The following FHL5 variants were observed in gnomAD, a reference collection of about 807,000 sequenced individuals.
FHL5 encodes four and a half LIM domains protein 5.
A neutral mutation model predicts 32.0 loss-of-function variants in FHL5; 33 were observed. The observed-to-expected ratio is 1.03, with a 90% CI of 0.78 to 1.38. The LOEUF (loss-of-function observed/expected upper bound fraction) is 1.38, where lower values mean the gene tolerates loss of function less well. FHL5 is among the 40% of genes most tolerant of loss of function. The probability of loss-of-function intolerance (pLI) is 0.00; values close to 1 mark genes in which losing one functional copy is unlikely to be tolerated. For synonymous variants in FHL5, 114 were observed against 113.6 expected (o/e 1.00, Z -0.02); for missense variants, 336 against 343.9 (o/e 0.98, Z 0.18).
intron 1 of FHL5, among the ~76,000 whole-genome samples, chr6:96,601,558 C>A (rs1232245858): frequency 6.6e-6 from 1 of 152,060 alleles, no homozygotes; most frequent in Non-Finnish European, 1.5e-5. Context: ...ATTTGGTAAT[C>A]CCTTTTGTGG....
chr6:96,587,814 T>C (rs1360906564), intron 1 of FHL5, among the ~76,000 whole-genome samples: 1 of 152,264 alleles, frequency 6.6e-6, no homozygotes, highest in African/African-American at 2.4e-5. Flanking sequence ...CTAAACTTTA[T>C]ATAAATGTCA....
chr6:96,579,262 T>C (rs1770649667), intron 1 of FHL5, among the ~76,000 whole-genome samples: 1 of 152,212 alleles, frequency 6.6e-6, no homozygotes, highest in South Asian at 2.1e-4. Flanking sequence ...TTCAAGAATG[T>C]CTCTTGGTAT....
chr6:96,612,993 A>G (rs1348657700), intron 5 of FHL5, among the ~76,000 whole-genome samples: 1 of 152,208 alleles, frequency 6.6e-6, no homozygotes, highest in Non-Finnish European at 1.5e-5. Context: ...AAGGATACAC[A>G]ATTTCAGTTA....
At chr6:96,594,865 T>C (rs776279781) in intron 1 of FHL5, among the ~76,000 whole-genome samples, 1 of 151,994 alleles carries the variant, frequency 6.6e-6, no homozygotes, top group Non-Finnish European at 1.5e-5. Context: ...TTAATCTTAA[T>C]GTAATTCAGT....
chr6:96,576,980 G>A (rs1177845600), intron 1 of FHL5, among the ~76,000 whole-genome samples: 4 of 152,166 alleles, frequency 2.6e-5, no homozygotes, highest in Admixed American at 6.5e-5. Context: ...AGATCAACAT[G>A]TTGTGTTTCC....
intron 1 of FHL5, among the ~76,000 whole-genome samples, chr6:96,599,957 C>T (rs775957233): frequency 1.3e-5 from 2 of 152,188 alleles, no homozygotes; most frequent in Non-Finnish European, 2.9e-5. Context: ...AGACAAAAAT[C>T]ACATAGTCCT....
intron 2 of FHL5, 26 bp from the exon 3 acceptor site, chr6:96,604,724 A>G: frequency 6.3e-7 from 1 of 1,580,956 alleles, no homozygotes; most frequent in Non-Finnish European, 8.6e-7. Context: ...ACCACATTTA[A>G]TTAACTTTTA....
Position 96,608,064 on chromosome 6 carries a change from T to C in FHL5, c.504+1993T>C, listed in dbSNP as rs1582480151. The stretch of plus-strand genomic sequence containing the variant: ...AATAAAATGAATAGGTTTATCTCAC[T>C]GTTTTGAGAGACAACTGAGTTGGCC... On this transcript the variant is annotated intron_variant, in intron 4 of 5. Coordinates refer to ENST00000450218, the MANE Select transcript of FHL5 (RefSeq NM_001322466.2). Among the ~76,000 whole-genome samples, 6 of 152,300 alleles carry C rather than the reference T, an allele frequency of 3.9e-5. No homozygotes were observed. The Middle Eastern group carries it at 0.02, about 518-fold the overall frequency.
chr6:96,608,928 T>A (rs1771340695), intron 4 of FHL5, among the ~76,000 whole-genome samples: 1 of 152,218 alleles, frequency 6.6e-6, no homozygotes, highest in African/African-American at 2.4e-5. Context: ...TTTTTCAAGT[T>A]TCAGATCTTT....
rs144436773 is a variant in FHL5 at position 96,615,684 on chromosome 6, C to G, written c.767C>G (p.Ser256Cys). The change falls in exon 6 of 6, where the codon TCT becomes TGT. Residue 256 changes from serine (S) to cysteine (C), a missense_variant. Coordinates refer to ENST00000450218, the MANE Select transcript of FHL5 (RefSeq NM_001322466.2). ...HSECFNCGKC[S>C]VSLVGKGFLT... is the part of the protein sequence containing the mutation. ...GAATGCTTTAACTGCGGGAAATGCTCTGTCTCCTTGGTGGGTAAAGGCTTC... is the reference window on the plus strand; with the variant it reads ...GAATGCTTTAACTGCGGGAAATGCTGTGTCTCCTTGGTGGGTAAAGGCTTC... 4 of 1,613,316 alleles carry G rather than the reference C, an allele frequency of 2.5e-6. No individual in the cohort carries two copies. The highest frequency in any genetic ancestry group is 1.1e-5 in the South Asian group (1 of 90,870).
chr6:96,611,376 AT>A (rs200460523), intron 5 of FHL5, among the ~76,000 whole-genome samples: 1,695 of 152,328 alleles, frequency 0.011, 32 homozygotes, highest in African/African-American at 0.032. Context: ...TGAAAAAAAA[AT>A]GTGACATGAT....
chr6:96,602,368 C>T (rs1376231452), intron 1 of FHL5, among the ~76,000 whole-genome samples: 2 of 123,428 alleles, frequency 1.6e-5, no homozygotes, highest in African/African-American at 2.9e-5. Flanking sequence ...TTTTTTGTAA[C>T]AACAAAGAAT....
chr6:96,597,221 T>G (rs1394324308), intron 1 of FHL5, among the ~76,000 whole-genome samples: 1 of 151,628 alleles, frequency 6.6e-6, no homozygotes. Context: ...TAATTTAATA[T>G]GTATACATGT....
chr6:96,617,146 T>C lies in FHL5; in HGVS notation c.*1374T>C, dbSNP rs941955341. Reference sequence around the variant, plus strand: ...CCTATCTTGCTACCCCTGGATATTTTCCACATTACTTGGGACAAATGGAAA... The same window carrying C: ...CCTATCTTGCTACCCCTGGATATTTCCCACATTACTTGGGACAAATGGAAA... On this transcript the variant is annotated 3_prime_UTR_variant, in exon 6 of 6. Transcript: ENST00000450218. Among the ~76,000 whole-genome samples the C allele has an allele frequency of 6.6e-6, 1 of 152,220 alleles. No homozygotes were observed. The highest frequency in any genetic ancestry group is 2.4e-5 in the African/African-American group (1 of 41,446).
intron 5 of FHL5, among the ~76,000 whole-genome samples, chr6:96,614,781 G>C (rs1353138596): frequency 6.6e-6 from 1 of 152,116 alleles, no homozygotes; most frequent in Admixed American, 6.5e-5. Context: ...CTATACCCTG[G>C]AATCACATTA....
At chr6:96,588,701 C>T (rs927861774) in intron 1 of FHL5, among the ~76,000 whole-genome samples, 1 of 151,920 alleles carries the variant, frequency 6.6e-6, no homozygotes, top group Admixed American at 6.6e-5. Context: ...GAATTAAAAA[C>T]AAGCTAATGG....
intron 1 of FHL5, among the ~76,000 whole-genome samples, chr6:96,596,655 T>A (rs997368506): frequency 6.6e-6 from 1 of 152,122 alleles, no homozygotes; most frequent in Admixed American, 6.6e-5. Context: ...TTTGATGGTC[T>A]CATTCAGTCT....
At chr6:96,584,451 GTGTGTGTGTT>G (rs1336212275) in intron 1 of FHL5, among the ~76,000 whole-genome samples, 1 of 148,616 alleles carries the variant, frequency 6.7e-6, no homozygotes, top group Non-Finnish European at 1.5e-5. Flanking sequence ...GTGTGTGTGT[GTGTGTGTGTT>G]TGTGTGTGTG....
rs1251940501 is a variant in FHL5, at chr6:96,616,736, C to A, written c.*964C>A. 3 of 152,158 alleles carry A rather than the reference C, an allele frequency of 2.0e-5. No homozygotes were observed. Among genetic ancestry groups the A allele is most frequent in the African/African-American group, 7.2e-5 (3 of 41,428 alleles). The allele number at this position is 152,158 out of a possible 1,614,324, so 9.4% of individuals were successfully genotyped here. On this transcript the variant is annotated 3_prime_UTR_variant, in exon 6 of 6. Transcript: ENST00000450218. ...ATAGAATGCATAATTAGCTCTGTGC[C>A]TCATGCATTATTGCCTTCTAAAATT... is the stretch of plus-strand genomic sequence containing the variant.
Sources: gnomAD v4.1 joint callset for allele counts (sites outside exome capture counted in the v4.1 genomes callset) on GRCh38, gnomAD v4.1.1 for gene constraint, MANE v1.5 for transcripts, NCBI Gene and HGNC (gene_info 2026-07-23, HGNC 2026-07-21) for gene names.